The following LRP2 variants were observed in gnomAD, a reference collection of about 807,000 sequenced individuals.
The protein encoded by LRP2 is low-density lipoprotein receptor-related protein 2.
LRP2 carries 172 observed loss-of-function variants against 531.0 expected under a neutral mutation model. The observed-to-expected ratio is 0.32, with a 90% CI of 0.29 to 0.37. LRP2 has a LOEUF of 0.37. LRP2 is among the 10% of genes least tolerant of loss of function. The pLI, the probability that LRP2 is intolerant of heterozygous loss-of-function variation, is 1.00. For missense variants in LRP2, 5,167 were observed against 5,868.3 expected (o/e 0.88, Z 3.90); for synonymous variants, 1,992 against 2,027.6 (o/e 0.98, Z 0.47).
intron 4 of LRP2, among the ~76,000 whole-genome samples, chr2:169,303,682 G>GT (rs1319749304): frequency 0.019 from 2,776 of 145,994 alleles, 77 homozygotes; most frequent in African/African-American, 0.063. Flanking sequence ...GATTTCTGAG[G>GT]TTTTTTTTTT....
At chr2:169,152,628 G>T (rs957965834) in intron 67 of LRP2, among the ~76,000 whole-genome samples, 171 bp downstream of exon 67, 5 of 152,114 alleles carry the variant, frequency 3.3e-5, no homozygotes, top group African/African-American at 4.8e-5. Flanking sequence ...ACATGCTGGG[G>T]TAAGTGGAGG....
At chr2:169,256,078 T>C in intron 19 of LRP2, 28 bp downstream of exon 19, 1 of 1,610,690 alleles carries the variant, frequency 6.2e-7, no homozygotes, top group Middle Eastern at 1.7e-4. Flanking sequence ...ATAAAAACAA[T>C]ACATACTTTT....
In LRP2 at chr2:169,236,036, T is replaced by C; in HGVS notation, c.4724A>G (p.His1575Arg). The C allele has an allele frequency of 6.2e-7, 1 of 1,614,040 alleles. No individual in the cohort carries two copies. The highest frequency in any genetic ancestry group is 8.5e-7 in the Non-Finnish European group (1 of 1,179,970). The stretch of plus-strand genomic sequence containing the variant: ...GCTGGCTCGCTCGATGCGAGGGTGG[T>C]GGCCCCAGTCAGACCAGAACAGTAG... Reference protein sequence around the residue: ...EHLLFWSDWGHHPRIERASMD... With the variant: ...EHLLFWSDWGRHPRIERASMD... Residue 1575 changes from histidine to arginine, a missense_variant, in exon 29 of 79, where the codon CAC (histidine) becomes CGC (arginine). Around this residue, in one of 6 missense-constraint regions of LRP2, gnomAD observed 2,811 missense variants for 3,058.0 expected, o/e 0.92. Transcript: ENST00000649046.
intron 31 of LRP2, among the ~76,000 whole-genome samples, chr2:169,228,362 T>G (rs1689275669): frequency 6.6e-6 from 1 of 151,766 alleles, no homozygotes; most frequent in Admixed American, 6.6e-5. Context: ...TACCAAGAAA[T>G]TATATTGAGA....
intron 63 of LRP2, among the ~76,000 whole-genome samples, chr2:169,159,119 A>G (rs1017554768): frequency 2.0e-5 from 3 of 152,168 alleles, no homozygotes; most frequent in African/African-American, 7.2e-5. Context: ...ATGAACATAG[A>G]TAGTGAGTGA....
chr2:169,259,423 A>G (rs1209948954), intron 16 of LRP2, among the ~76,000 whole-genome samples: 1 of 151,822 alleles, frequency 6.6e-6, no homozygotes, highest in Non-Finnish European at 1.5e-5. Flanking sequence ...CCATTCCTCA[A>G]ACTTTGGATC....
chr2:169,205,307 C>A (rs1474108791), intron 41 of LRP2, among the ~76,000 whole-genome samples, 172 bp downstream of exon 41: 1 of 152,140 alleles, frequency 6.6e-6, no homozygotes, highest in Non-Finnish European at 1.5e-5. Context: ...TAAATTTTCA[C>A]AGTATGTTCA....
chr2:169,263,340 T>G (rs543729174), intron 16 of LRP2, among the ~76,000 whole-genome samples: 3 of 152,040 alleles, frequency 2.0e-5, no homozygotes, highest in Admixed American at 6.6e-5. Context: ...ATTCGCAACC[T>G]ACTCATCTGA....
chr2:169,221,831 T>A (rs1175394906), intron 33 of LRP2, among the ~76,000 whole-genome samples: 3 of 152,170 alleles, frequency 2.0e-5, no homozygotes, highest in Non-Finnish European at 4.4e-5. Flanking sequence ...TCTGCTACAA[T>A]CTCTCTCCTT....
chr2:169,185,478 A>T (rs1574108480), intron 50 of LRP2, 25 bp downstream of exon 50: 1 of 1,610,238 alleles, frequency 6.2e-7, no homozygotes, highest in East Asian at 2.2e-5. Flanking sequence ...TTTAACTTTT[A>T]AAAAGCTCAT....
At chr2:169,271,636 CA>C in intron 15 of LRP2, 1 of 484,036 alleles carries the variant, frequency 2.1e-6, no homozygotes, top group Non-Finnish European at 2.7e-6. Flanking sequence ...CACACACACA[CA>C]CACACACACA....
chr2:169,169,130 T>C (rs1396298151), intron 60 of LRP2, among the ~76,000 whole-genome samples: 1 of 152,186 alleles, frequency 6.6e-6, no homozygotes, highest in Non-Finnish European at 1.5e-5. Context: ...CCAGTTTTTG[T>C]AGGGAAAAGA....
At chr2:169,230,836 A>G (rs1237574504) in intron 31 of LRP2, among the ~76,000 whole-genome samples, 1 of 152,240 alleles carries the variant, frequency 6.6e-6, no homozygotes, top group African/African-American at 2.4e-5. Flanking sequence ...CCAATAAAAT[A>G]TCTCTAGGAT....
chr2:169,164,971 C>T lies in LRP2; in HGVS notation c.11758+961G>A, dbSNP rs563372499. 2.0e-4 allele frequency among the ~76,000 whole-genome samples: 31 copies of T among 152,206 alleles called. 1 individual carries two copies. In the East Asian group the frequency reaches 3.1e-3, roughly 15 times the overall value. On this transcript the variant is annotated intron_variant, in intron 62 of 78. Transcript: ENST00000649046. ...TTATTTCTGGGCTTTCATGCTTTTGCGCTATGCCTCAAATAAACATATTAA... is the reference window on the plus strand; with the variant it reads ...TTATTTCTGGGCTTTCATGCTTTTGTGCTATGCCTCAAATAAACATATTAA...
At position 169,320,863 on chromosome 2, in the gene LRP2, C is replaced by T. The variant is rs186568676; in HGVS notation, c.101G>A (p.Arg34His). ...SGQECDSAHF[R>H]CGSGHCIPAD... ...AGGGATGCAATGCCCACTTCCACAG[C>T]GAAAATGCGCACTGTCACATTCTGC... The change falls in exon 2 of 79, where the codon CGC (arginine) becomes CAC (histidine). Residue 34 changes from arginine (R) to histidine (H), a missense_variant. Physicochemically the swap from Arg to His is conservative, Grantham distance 29. Coordinates refer to ENST00000649046, the MANE Select transcript of LRP2 (RefSeq NM_004525.3). 4.5e-5 allele frequency: 73 copies of T among 1,613,608 alleles called. No homozygotes were observed. The highest frequency in any genetic ancestry group is 5.3e-5 in the Non-Finnish European group (63 of 1,179,642).
At chr2:169,193,938 T>C in intron 46 of LRP2, 46 bp from the exon 47 acceptor site, 1 of 1,612,830 alleles carries the variant, frequency 6.2e-7, no homozygotes, top group Non-Finnish European at 8.5e-7. Flanking sequence ...TGGTTTACAG[T>C]CCAGGAATCT....
chr2:169,205,400 C>T (rs1688341202), intron 41 of LRP2, 79 bp downstream of exon 41: 2 of 1,465,844 alleles, frequency 1.4e-6, no homozygotes, highest in Non-Finnish European at 1.9e-6. Flanking sequence ...ATTTTCATCA[C>T]ATGATGCAAA....
intron 23 of LRP2, 115 bp from the exon 24 acceptor site, chr2:169,243,187 G>T: frequency 2.1e-6 from 2 of 964,646 alleles, no homozygotes; most frequent in Non-Finnish European, 1.6e-6. Context: ...TGCAGAACAT[G>T]CAGGTTTGTT....
rs1312174881 is a variant in LRP2 at position 169,174,107 on chromosome 2, T to C, written c.10826A>G (p.Glu3609Gly). 1.2e-6 allele frequency: 2 copies of C among 1,614,224 alleles called. No individual in the cohort carries two copies. Among genetic ancestry groups the C allele is most frequent in the East Asian group, 2.2e-5 (1 of 44,882 alleles). The change falls in exon 56 of 79, where the codon GAA (glutamate) becomes GGA (glycine). Residue 3609 changes from glutamate (E) to glycine (G), a missense_variant. Coordinates refer to ENST00000649046, the MANE Select transcript of LRP2 (RefSeq NM_004525.3). ...GTTAAATGTGTCACACTGCCAGGAT[T>C]CTGGGATGCAACGTTTGTTGGCGCA... ...WQCANKRCIP[E>G]SWQCDTFNDC...
Sources: allele counts gnomAD v4.1 joint callset (sites outside exome capture counted in the v4.1 genomes callset), GRCh38; gene constraint gnomAD v4.1.1; regional missense constraint gnomAD v4.1.1; transcripts MANE v1.5; gene names NCBI Gene and HGNC (gene_info 2026-07-23, HGNC 2026-07-21).